The following ZGRF1 variants were observed in gnomAD, a reference collection of about 807,000 sequenced individuals.
ZGRF1 encodes zinc finger GRF-type containing 1.
A neutral mutation model predicts 203.5 loss-of-function variants in ZGRF1; 196 were observed. The ratio of observed to expected loss-of-function variants is 0.96; its 90% confidence interval spans 0.86 to 1.08. The LOEUF (loss-of-function observed/expected upper bound fraction) is 1.08, where lower values mean the gene tolerates loss of function less well. Ranked by LOEUF, ZGRF1 falls within the 50% of genes least tolerant of loss-of-function variation. ZGRF1 has a pLI of 0.00. For synonymous variants in ZGRF1, 809 were observed against 841.3 expected (o/e 0.96, Z 0.66); for missense variants, 2,326 against 2,416.3 (o/e 0.96, Z 0.78).
At position 112,601,331 on chromosome 4, in the gene ZGRF1, C is replaced by T. The variant is rs1749937420; in HGVS notation, c.2976+2193G>A. On this transcript the variant is annotated intron_variant, in intron 10 of 27. Coordinates refer to ENST00000505019, the MANE Select transcript of ZGRF1 (RefSeq NM_018392.5). ...TTGGGAGGCCGAGGCAGGCAGATCA[C>T]TTGAGGCTAGGAGTTTGAGAACAAC... 1.3e-5 allele frequency among the ~76,000 whole-genome samples: 2 copies of T among 152,130 alleles called. 1 individual carries two copies. Among genetic ancestry groups the T allele is most frequent in the South Asian group, 4.1e-4 (2 of 4,830 alleles).
Position 112,617,867 on chromosome 4 carries a change from T to G in ZGRF1, c.2175A>C (p.Glu725Asp), listed in dbSNP as rs957001710. ...TACTAGAAGTTGAGGGTAAAACATGTTCATCATTTTTGTCTAAGTCACTTC... is the reference window on the plus strand; with the variant it reads ...TACTAGAAGTTGAGGGTAAAACATGGTCATCATTTTTGTCTAAGTCACTTC... ...ILGSDLDKND[E>D]HVLPSTSSSD... Residue 725 changes from glutamate (E) to aspartate (D), a missense_variant, in exon 6 of 28, where the codon GAA becomes GAC. By Grantham distance (45) the Glu-to-Asp change is conservative. Coordinates refer to ENST00000505019, the MANE Select transcript of ZGRF1 (RefSeq NM_018392.5). 1 of 1,614,020 alleles carries G rather than the reference T, an allele frequency of 6.2e-7. No individual in the cohort carries two copies.
rs773194281 is a variant in ZGRF1, at chr4:112,589,889, G to A, written c.2977-15C>T. 1 of 1,530,924 alleles carries A rather than the reference G, an allele frequency of 6.5e-7. No homozygotes were observed. The highest frequency in any genetic ancestry group is 2.2e-5 in the Admixed American group (1 of 46,510). 94.8% of individuals were successfully genotyped at this position (1,530,924 alleles called of 1,614,324 possible). ...GGTGATGTCACCTATACAGAAAGAAGAATCAAAACTACAGACCAAAATCTT... is the reference window on the plus strand; with the variant it reads ...GGTGATGTCACCTATACAGAAAGAAAAATCAAAACTACAGACCAAAATCTT... On this transcript the variant is annotated splice_polypyrimidine_tract_variant and intron_variant, in intron 10 of 27. Transcript: ENST00000505019.
intron 20 of ZGRF1, 63 bp from the exon 21 acceptor site, chr4:112,554,845 A>G: frequency 1.2e-6 from 1 of 851,628 alleles, no homozygotes. Flanking sequence ...AGTTTCATAT[A>G]ATAACTGTTA....
At position 112,585,582 on chromosome 4, in the gene ZGRF1, G is replaced by GT. The variant is rs1747031827; in HGVS notation, c.4059dup (p.Pro1354ThrfsTer8). ...TTTTTAACCATGACAAGTTTTGCAG[G>GT]TTGACTATGATGGCAGGATGGTACA... On this transcript the variant is annotated frameshift_variant, in exon 14 of 28. Coordinates refer to ENST00000505019, the MANE Select transcript of ZGRF1 (RefSeq NM_018392.5). LOFTEE classifies it high-confidence loss of function. 1 of 1,611,890 alleles carries GT rather than the reference G, an allele frequency of 6.2e-7. No individual in the cohort carries two copies. The highest frequency in any genetic ancestry group is 1.1e-5 in the South Asian group (1 of 90,676).
intron 22 of ZGRF1, among the ~76,000 whole-genome samples, chr4:112,552,006 G>A (rs188769185): frequency 6.6e-5 from 10 of 152,202 alleles, no homozygotes; most frequent in East Asian, 5.8e-4. Context: ...TTCCGGGCGC[G>A]GTGGCTCATG....
At chr4:112,581,476 A>G (rs1746239335) in intron 16 of ZGRF1, among the ~76,000 whole-genome samples, 187 bp downstream of exon 16, 1 of 151,348 alleles carries the variant, frequency 6.6e-6, no homozygotes, top group Admixed American at 6.6e-5. Flanking sequence ...AAAAGCCCTA[A>G]TATCTTAAAA....
chr4:112,542,659 A>T (rs1016614131), intron 24 of ZGRF1, among the ~76,000 whole-genome samples: 5 of 151,962 alleles, frequency 3.3e-5, no homozygotes, highest in Admixed American at 1.3e-4. Context: ...GCTGGCCTCA[A>T]ACTCCTGGGG....
In ZGRF1 at chr4:112,619,347, G is replaced by A; in HGVS notation, c.695C>T (p.Pro232Leu). Residue 232 changes from proline (P) to leucine (L), a missense_variant, in exon 6 of 28, where the codon CCT becomes CTT. By Grantham distance (98) the Pro-to-Leu change is moderately conservative. Transcript: ENST00000505019. ...AGATGCCAAACTATCTCTTTTCACAGGCTCATTGGTCAGTAAAGAGTCTGA... is the reference window on the plus strand; with the variant it reads ...AGATGCCAAACTATCTCTTTTCACAAGCTCATTGGTCAGTAAAGAGTCTGA... ...KLSDSLLTNE[P>L]VKRDSLASHY... The A allele has an allele frequency of 6.2e-7, 1 of 1,612,348 alleles. No homozygotes were observed. The highest frequency in any genetic ancestry group is 8.5e-7 in the Non-Finnish European group (1 of 1,179,256).
At chr4:112,603,853 T>C (rs970671577) in intron 9 of ZGRF1, among the ~76,000 whole-genome samples, 156 bp from the exon 10 acceptor site, 17 of 152,370 alleles carry the variant, frequency 1.1e-4, no homozygotes, top group African/African-American at 4.1e-4. Flanking sequence ...GAAATTCTCC[T>C]ATTATCCTAA....
chr4:112,553,230 C>G (rs926268221), intron 22 of ZGRF1, among the ~76,000 whole-genome samples: 1 of 152,186 alleles, frequency 6.6e-6, no homozygotes, highest in Admixed American at 6.5e-5. Flanking sequence ...TAGGAGGAAG[C>G]TGCTGATTGA....
chr4:112,619,314 G>A lies in ZGRF1; in HGVS notation c.728C>T (p.Ser243Leu). 1 of 1,613,004 alleles carries A rather than the reference G, an allele frequency of 6.2e-7. No individual in the cohort carries two copies. Among genetic ancestry groups the A allele is most frequent in the Non-Finnish European group, 8.5e-7 (1 of 1,179,650 alleles). Residue 243 changes from serine (S) to leucine (L), a missense_variant, in exon 6 of 28, where the codon TCA becomes TTA. Coordinates refer to ENST00000505019, the MANE Select transcript of ZGRF1 (RefSeq NM_018392.5). ...VKRDSLASHY[S>L]GVSQNIRSKA... Reference sequence around the variant, plus strand: ...GCTTCTGATGTTTTGTGAAACTCCTGAATAGTGAGATGCCAAACTATCTCT... The same window carrying A: ...GCTTCTGATGTTTTGTGAAACTCCTAAATAGTGAGATGCCAAACTATCTCT...
rs1721266324 is a variant in ZGRF1 at position 112,547,521 on chromosome 4, C to A, written c.5475-113G>T. On this transcript the variant is annotated intron_variant, in intron 23 of 27. Coordinates refer to ENST00000505019, the MANE Select transcript of ZGRF1 (RefSeq NM_018392.5). Reference sequence around the variant, plus strand: ...GAAATATTCAAATGCCATGAAGTATCCTGAGTACTAATAAAGCTTAGTAGT... The same window carrying A: ...GAAATATTCAAATGCCATGAAGTATACTGAGTACTAATAAAGCTTAGTAGT... 3 of 924,442 alleles carry A rather than the reference C, an allele frequency of 3.2e-6. No individual in the cohort carries two copies. In the South Asian group the frequency reaches 5.2e-5, roughly 16 times the overall value. 57.3% of individuals were successfully genotyped at this position (924,442 alleles called of 1,614,324 possible).
intron 10 of ZGRF1, among the ~76,000 whole-genome samples, chr4:112,592,232 G>A (rs551736847): frequency 6.6e-6 from 1 of 151,716 alleles, no homozygotes; most frequent in Non-Finnish European, 1.5e-5. Context: ...TGAGTAGCTG[G>A]GACTACAGGC....
At chr4:112,620,554 A>G (rs1168978016) in intron 4 of ZGRF1, among the ~76,000 whole-genome samples, 1 of 152,128 alleles carries the variant, frequency 6.6e-6, no homozygotes, top group African/African-American at 2.4e-5. Context: ...TCTCTACAAA[A>G]AATTTTTATT....
chr4:112,550,500 T>C (rs1356252220), intron 22 of ZGRF1, among the ~76,000 whole-genome samples: 1 of 152,186 alleles, frequency 6.6e-6, no homozygotes, highest in Non-Finnish European at 1.5e-5. Context: ...TAATTTATTA[T>C]TGAAGAAAGA....
intron 16 of ZGRF1, among the ~76,000 whole-genome samples, chr4:112,575,809 C>T (rs914281426): frequency 4.6e-5 from 7 of 152,226 alleles, no homozygotes; most frequent in Non-Finnish European, 1.0e-4. Context: ...CCCACCGCAG[C>T]TCATGGAGGA....
Position 112,591,423 on chromosome 4 carries a change from T to C in ZGRF1, c.2977-1549A>G, listed in dbSNP as rs562589254. On this transcript the variant is annotated intron_variant, in intron 10 of 27. Coordinates refer to ENST00000505019, the MANE Select transcript of ZGRF1 (RefSeq NM_018392.5). ...TTCCCCTACTACCCTCTCCAGAAACTTGCCAGAGTACTTTCTAAAATGTAA... is the reference window on the plus strand; with the variant it reads ...TTCCCCTACTACCCTCTCCAGAAACCTGCCAGAGTACTTTCTAAAATGTAA... Among the ~76,000 whole-genome samples the C allele has an allele frequency of 9.8e-5, 15 of 152,294 alleles. No homozygotes were observed. In the South Asian group the frequency reaches 1.9e-3, roughly 19 times the overall value.
rs776986736 is a variant in ZGRF1, at chr4:112,584,106, G to A, written c.4170C>T (p.Asp1390=). 25 of 1,613,264 alleles carry A rather than the reference G, an allele frequency of 1.5e-5. No homozygotes were observed. The highest frequency in any genetic ancestry group is 6.7e-5 in the Admixed American group (4 of 59,956). ...DRCKFFKWLE[D]VTPGYSTQEG... Reference sequence around the variant, plus strand: ...CCTGTGTTGAATATCCTGGAGTCACGTCCTCAAGCCATTTAAAGAATTTAC... The same window carrying A: ...CCTGTGTTGAATATCCTGGAGTCACATCCTCAAGCCATTTAAAGAATTTAC... The change falls in exon 15 of 28, where the codon GAC becomes GAT. Residue 1390 remains aspartate, a synonymous_variant. Transcript: ENST00000505019.
intron 6 of ZGRF1, among the ~76,000 whole-genome samples, chr4:112,613,027 C>T (rs2046743284): frequency 6.6e-6 from 1 of 152,168 alleles, no homozygotes; most frequent in East Asian, 1.9e-4. Context: ...GGCATGGTGG[C>T]TCATGCCTGT....
Sources: allele counts gnomAD v4.1 joint callset (sites outside exome capture counted in the v4.1 genomes callset), GRCh38; gene constraint gnomAD v4.1.1; transcripts MANE v1.5; gene names NCBI Gene and HGNC (gene_info 2026-07-23, HGNC 2026-07-21).